PCDHA2: variants seen among roughly 807,000 people sequenced by gnomAD.
PCDHA2 encodes the protein protocadherin alpha 2.
PCDHA2 carries 58 observed loss-of-function variants against 66.0 expected under a neutral mutation model. The ratio of observed to expected loss-of-function variants is 0.88; its 90% CI spans 0.71 to 1.09. PCDHA2 has a LOEUF of 1.09. Among genes scored for constraint, PCDHA2 ranks in the 50% least tolerant of loss-of-function variants. The probability of loss-of-function intolerance (pLI) is 0.00; values close to 1 mark genes in which losing one functional copy is unlikely to be tolerated. For synonymous variants in PCDHA2, 634 were observed against 554.0 expected (o/e 1.14, Z -2.03); for missense variants, 1,267 against 1,242.3 (o/e 1.02, Z -0.30).
At chr5:140,911,539 C>T (rs1554194791) in intron 1 of PCDHA2, among the ~76,000 whole-genome samples, 1 of 152,194 alleles carries the variant, frequency 6.6e-6, no homozygotes, top group African/African-American at 2.4e-5. Context: ...ATTAGAATCC[C>T]TAAGTTCATC....
At chr5:140,955,385 G>A (rs1416235573) in intron 1 of PCDHA2, among the ~76,000 whole-genome samples, 4 of 152,216 alleles carry the variant, frequency 2.6e-5, no homozygotes, top group South Asian at 4.1e-4. Flanking sequence ...GAATCATGGG[G>A]GCAATTATCC....
chr5:140,961,196 A>G (rs2095596614), intron 1 of PCDHA2, among the ~76,000 whole-genome samples: 2 of 152,150 alleles, frequency 1.3e-5, no homozygotes, highest in African/African-American at 4.8e-5. Context: ...GACCCTAGTG[A>G]GGTTGGTATT....
chr5:140,877,811 G>T (rs1256619106), intron 1 of PCDHA2: 1 of 1,610,242 alleles, frequency 6.2e-7, no homozygotes, highest in Non-Finnish European at 8.5e-7. Flanking sequence ...CAGCTGTCTC[G>T]AGAAGATTGT....
chr5:140,853,640 A>G, intron 1 of PCDHA2: 1 of 988,756 alleles, frequency 1.0e-6, no homozygotes, highest in Non-Finnish European at 1.2e-6. Context: ...CACAGACCTA[A>G]ATTGAGCCTG....
intron 1 of PCDHA2, among the ~76,000 whole-genome samples, chr5:140,797,837 T>C (rs1024603104): frequency 1.3e-5 from 2 of 150,912 alleles, no homozygotes; most frequent in African/African-American, 5.0e-5. Flanking sequence ...CAATAGTTAA[T>C]AAGCTACATT....
At chr5:140,936,185 G>A (rs563044758) in intron 1 of PCDHA2, among the ~76,000 whole-genome samples, 10 of 152,060 alleles carry the variant, frequency 6.6e-5, no homozygotes, top group Non-Finnish European at 1.0e-4. Context: ...AAACCACCAC[G>A]CCCAGCCAAA....
rs1192549493 is a variant in PCDHA2, at chr5:140,824,420, T to A, written c.2388+27068T>A. ...AATAATTGTAAGACATAGTTTGGAG[T>A]CATTCTCAAAGTTTCAGTTTATGAC... On this transcript the variant is annotated intron_variant, in intron 1 of 3. Transcript: ENST00000526136. The A allele has an allele frequency of 2.3e-5, 12 of 510,878 alleles. No individual in the cohort carries two copies. The South Asian group carries it at 3.4e-4, about 14-fold the overall frequency. The allele number at this position is 510,878 out of a possible 1,614,324, so 31.6% of individuals were successfully genotyped here.
At chr5:140,855,966 TAAGAA>T in intron 1 of PCDHA2, 1 of 1,422,780 alleles carries the variant, frequency 7.0e-7, no homozygotes, top group Non-Finnish European at 9.5e-7. Context: ...AAAATAGATA[TAAGAA>T]ATAGGACAGA....
Position 141,002,117 on chromosome 5 carries a change from C to T in PCDHA2, c.2537-7510C>T, listed in dbSNP as rs74680186. Among the ~76,000 whole-genome samples, 37 of 152,378 alleles carry T rather than the reference C, an allele frequency of 2.4e-4. 1 individual carries two copies. The East Asian group carries it at 6.0e-3, about 25-fold the overall frequency. ...GGGCTGGGCCGGAAACGGCTATAAT[C>T]ATTTAATAGCCTTTGCCGGCTGCAC... On this transcript the variant is annotated intron_variant, in intron 3 of 3. Transcript: ENST00000526136.
At chr5:140,855,479 C>T (rs782343023) in intron 1 of PCDHA2, among the ~76,000 whole-genome samples, 3 of 149,758 alleles carry the variant, frequency 2.0e-5, no homozygotes, top group Non-Finnish European at 3.0e-5. Context: ...TGATGCTTGA[C>T]ATTAGTGTCT....
intron 1 of PCDHA2, chr5:140,850,598 C>A (rs1358773904): frequency 6.3e-7 from 1 of 1,598,460 alleles, no homozygotes; most frequent in Non-Finnish European, 8.6e-7. Context: ...TGTACCTGAT[C>A]ATCGCCATCT....
Position 140,843,501 on chromosome 5 carries a change from C to T in PCDHA2, c.2388+46149C>T, listed in dbSNP as rs2150361276. The stretch of plus-strand genomic sequence containing the variant: ...ACTGCGCTGCGGTGCTCAGCACTGC[C>T]CACTGAGGGCGGGTGCCGGGCGGGC... On this transcript the variant is annotated intron_variant, in intron 1 of 3. Coordinates refer to ENST00000526136, the MANE Select transcript of PCDHA2 (RefSeq NM_018905.3). 8.1e-6 allele frequency: 13 copies of T among 1,595,862 alleles called. 1 individual carries two copies. Among genetic ancestry groups the T allele is most frequent in the East Asian group, 2.2e-5 (1 of 44,830 alleles).
At chr5:140,911,257 A>G (rs1423375928) in intron 1 of PCDHA2, among the ~76,000 whole-genome samples, 1 of 152,156 alleles carries the variant, frequency 6.6e-6, no homozygotes, top group African/African-American at 2.4e-5. Context: ...ATCAGAATTT[A>G]TAATCTCAGT....
At chr5:140,866,644 T>A (rs531566613) in intron 1 of PCDHA2, 14 of 152,184 alleles carry the variant, frequency 9.2e-5, no homozygotes, top group Non-Finnish European at 1.6e-4. Context: ...GTGTCAAAAT[T>A]TATTTATGTG....
intron 1 of PCDHA2, chr5:140,871,061 A>G (rs2052667671): frequency 6.2e-7 from 1 of 1,613,082 alleles, no homozygotes; most frequent in African/African-American, 1.3e-5. Flanking sequence ...GTGAAGGATC[A>G]CGGTGAGCCG....
chr5:140,796,323 G>C lies in PCDHA2; in HGVS notation c.1359G>C (p.Pro453=), dbSNP rs1554119843. 2 of 1,613,946 alleles carry C rather than the reference G, an allele frequency of 1.2e-6. No individual in the cohort carries two copies. The highest frequency in any genetic ancestry group is 1.7e-6 in the Non-Finnish European group (2 of 1,179,992). ...TGGCCGACGTGAACGACAACGCGCCGGCGTTCGCACAGCCTGAGTACACAG... is the reference window on the plus strand; with the variant it reads ...TGGCCGACGTGAACGACAACGCGCCCGCGTTCGCACAGCCTGAGTACACAG... ...IEVADVNDNA[P]AFAQPEYTVF... Residue 453 remains proline (P), a synonymous_variant, in exon 1 of 4, where the codon CCG becomes CCC. Transcript: ENST00000526136.
chr5:140,909,575 G>A (rs114329297), intron 1 of PCDHA2, among the ~76,000 whole-genome samples: 373 of 152,290 alleles, frequency 2.4e-3, no homozygotes, highest in African/African-American at 8.5e-3. Context: ...CCAGAGATGT[G>A]ATATGTTTTT....
At position 141,010,146 on chromosome 5, in the gene PCDHA2, C is replaced by A. The variant is rs782795358; in HGVS notation, c.*209C>A. 1 of 1,584,410 alleles carries A rather than the reference C, an allele frequency of 6.3e-7. No individual in the cohort carries two copies. Among genetic ancestry groups the A allele is most frequent in the Non-Finnish European group, 8.6e-7 (1 of 1,164,258 alleles). The stretch of plus-strand genomic sequence containing the variant: ...TAAGTCTGGTGTTAACTCTTTCTCT[C>A]CACTCTGGCTTGTTTTCAGAACCTA... On this transcript the variant is annotated 3_prime_UTR_variant, in exon 4 of 4. Transcript: ENST00000526136.
intron 1 of PCDHA2, chr5:140,856,463 C>T (rs782279735): frequency 1.3e-6 from 2 of 1,598,356 alleles, no homozygotes; most frequent in Admixed American, 3.4e-5. Context: ...AGAACAAAAG[C>T]TCTCAATACC....
Sources: gnomAD v4.1 joint callset for allele counts (sites outside exome capture counted in the v4.1 genomes callset) on GRCh38, gnomAD v4.1.1 for gene constraint, MANE v1.5 for transcripts, NCBI Gene and HGNC (gene_info 2026-07-23, HGNC 2026-07-21) for gene names.